The following CDK6 variants were observed in gnomAD, a reference collection of about 807,000 sequenced individuals.
CDK6 encodes cyclin dependent kinase 6, also known as cyclin-dependent kinase 6.
In CDK6, 6 loss-of-function variants were observed where a neutral mutation model predicts 37.1. The observed-to-expected ratio is 0.16, with a 90% CI of 0.09 to 0.32. The LOEUF is 0.32. CDK6 is among the 10% of genes least tolerant of loss of function. The probability of loss-of-function intolerance (pLI) is 1.00; values close to 1 mark genes in which losing one functional copy is unlikely to be tolerated. For synonymous variants in CDK6, 160 were observed against 161.3 expected (o/e 0.99, Z 0.06); for missense variants, 224 against 418.9 (o/e 0.53, Z 4.06).
intron 5 of CDK6, among the ~76,000 whole-genome samples, chr7:92,639,990 C>T (rs1202279969): frequency 6.6e-6 from 1 of 152,124 alleles, no homozygotes; most frequent in Non-Finnish European, 1.5e-5. Flanking sequence ...GGGTATCTAT[C>T]TCTCTAAATA....
intron 2 of CDK6, among the ~76,000 whole-genome samples, chr7:92,794,180 G>A (rs1943975965): frequency 6.6e-6 from 1 of 152,112 alleles, no homozygotes; most frequent in Non-Finnish European, 1.5e-5. Context: ...AGAAGAAATA[G>A]CTAACACTTA....
rs2116035656 is a variant in CDK6, at chr7:92,833,377, C to A, written c.-54G>T. ...CGCTGGGGCGGGCGGGGGGTGCGCT[C>A]AACTAGCTGGCGGCCGCCGCTCGCC... On this transcript the variant is annotated 5_prime_UTR_variant, in exon 2 of 8. Coordinates refer to ENST00000424848, the MANE Select transcript of CDK6 (RefSeq NM_001145306.2). This position sits in a 1 kb window ranked among gnomAD's most constrained non-coding sequence, Gnocchi z 6.1. The A allele has an allele frequency of 7.6e-7, 1 of 1,318,310 alleles. No homozygotes were observed. The highest frequency in any genetic ancestry group is 1.0e-6 in the Non-Finnish European group (1 of 973,074). 81.7% of individuals were successfully genotyped at this position (1,318,310 alleles called of 1,614,324 possible).
chr7:92,709,645 A>G (rs1327263199), intron 4 of CDK6, among the ~76,000 whole-genome samples: 2 of 152,226 alleles, frequency 1.3e-5, no homozygotes, highest in African/African-American at 4.8e-5. Context: ...CAAACATACT[A>G]TTTATGTAAT....
chr7:92,793,136 G>A (rs1457300311), intron 2 of CDK6, among the ~76,000 whole-genome samples: 1 of 152,028 alleles, frequency 6.6e-6, no homozygotes, highest in African/African-American at 2.4e-5. Context: ...CCGTATTCAT[G>A]GATCAGGAAG....
At chr7:92,654,844 T>C (rs570485717) in intron 5 of CDK6, among the ~76,000 whole-genome samples, 203 of 152,116 alleles carry the variant, frequency 1.3e-3, no homozygotes, top group South Asian at 7.5e-3. Context: ...ACCAAATGGA[T>C]ATATATATGT....
intron 5 of CDK6, among the ~76,000 whole-genome samples, chr7:92,636,839 ATT>A (rs1796184167): frequency 6.6e-6 from 1 of 151,832 alleles, no homozygotes; most frequent in African/African-American, 2.4e-5. Context: ...TAATTTTTGT[ATT>A]TTTAGTGGAG....
chr7:92,821,085 G>A (rs970092575), intron 2 of CDK6, among the ~76,000 whole-genome samples: 1 of 151,986 alleles, frequency 6.6e-6, no homozygotes, highest in Non-Finnish European at 1.5e-5. Context: ...ACAAAACGTG[G>A]CATAATTAAC....
intron 4 of CDK6, among the ~76,000 whole-genome samples, 182 bp from the exon 5 acceptor site, chr7:92,671,717 T>A (rs868099339): frequency 3.9e-5 from 6 of 152,266 alleles, no homozygotes; most frequent in Middle Eastern, 3.4e-3. Context: ...GGAAATTACA[T>A]CATCCCCACA....
chr7:92,644,379 A>T (rs1796391740), intron 5 of CDK6, among the ~76,000 whole-genome samples: 1 of 152,168 alleles, frequency 6.6e-6, no homozygotes, highest in Admixed American at 6.5e-5. Flanking sequence ...AGAGAATTCA[A>T]ATCACGATTA....
intron 2 of CDK6, among the ~76,000 whole-genome samples, chr7:92,830,533 G>C (rs1305699169): frequency 2.6e-5 from 4 of 152,094 alleles, no homozygotes; most frequent in Admixed American, 2.6e-4. Flanking sequence ...TCACAGGTTT[G>C]GGGACCCAAC....
chr7:92,745,419 C>A (rs1300777575), intron 3 of CDK6, among the ~76,000 whole-genome samples: 1 of 152,142 alleles, frequency 6.6e-6, no homozygotes, highest in Non-Finnish European at 1.5e-5. Context: ...TCTACTATGA[C>A]CTCGAGGATT....
At chr7:92,678,253 A>G (rs1722814519) in intron 4 of CDK6, among the ~76,000 whole-genome samples, 1 of 152,272 alleles carries the variant, frequency 6.6e-6, no homozygotes. Context: ...AATCCGTAAC[A>G]AAAGTCGCTA....
In CDK6 at chr7:92,645,103, T is replaced by G. The variant is rs188277243; in HGVS notation, c.648-22017A>C. ...CAGAAGGAAAAGTACACACCCCAGG[T>G]GCGAATATAAAAGCGGGTCTCTTTG... On this transcript the variant is annotated intron_variant, in intron 5 of 7. Transcript: ENST00000424848. 5.7e-4 allele frequency among the ~76,000 whole-genome samples: 87 copies of G among 152,300 alleles called. 1 individual carries two copies. Among genetic ancestry groups the G allele is most frequent in the Non-Finnish European group, 4.6e-4 (31 of 68,016 alleles).
chr7:92,813,335 T>A (rs576466576), intron 2 of CDK6, among the ~76,000 whole-genome samples: 16 of 150,024 alleles, frequency 1.1e-4, no homozygotes, highest in African/African-American at 1.7e-4. Flanking sequence ...TGCTTGCTTT[T>A]AAAAAAAAAA....
chr7:92,821,416 A>T (rs1365367830), intron 2 of CDK6, among the ~76,000 whole-genome samples: 1 of 152,146 alleles, frequency 6.6e-6, no homozygotes, highest in Non-Finnish European at 1.5e-5. Context: ...AAATTCATGA[A>T]TATAAGATAA....
chr7:92,784,706 T>C (rs1054292495), intron 2 of CDK6, among the ~76,000 whole-genome samples: 4 of 152,216 alleles, frequency 2.6e-5, no homozygotes, highest in African/African-American at 7.2e-5. Context: ...AAACTAAAGA[T>C]AGCCTTAAAC....
At chr7:92,631,464 C>T (rs1796050976) in intron 5 of CDK6, among the ~76,000 whole-genome samples, 1 of 152,168 alleles carries the variant, frequency 6.6e-6, no homozygotes, top group Admixed American at 6.5e-5. Flanking sequence ...GTTTTATTCT[C>T]TTTTTTCCTA....
chr7:92,634,830 T>C (rs947745430), intron 5 of CDK6, among the ~76,000 whole-genome samples: 4 of 152,210 alleles, frequency 2.6e-5, no homozygotes, highest in African/African-American at 9.6e-5. Context: ...AGAAACTTAC[T>C]GCTGATCTTT....
In CDK6 at chr7:92,609,645, T is replaced by C. The variant is rs970483858; in HGVS notation, c.*5495A>G. On this transcript the variant is annotated 3_prime_UTR_variant, in exon 8 of 8. Transcript: ENST00000424848. ...TTTAATCAATGTTGAAAGGCCACCATGCTAGGGAATTTGAAAGCAGCAGAG... is the reference window on the plus strand; with the variant it reads ...TTTAATCAATGTTGAAAGGCCACCACGCTAGGGAATTTGAAAGCAGCAGAG... 1 of 231,356 alleles carries C rather than the reference T, an allele frequency of 4.3e-6. No homozygotes were observed. The highest frequency in any genetic ancestry group is 2.2e-5 in the African/African-American group (1 of 45,280). 14.3% of individuals were successfully genotyped at this position (231,356 alleles called of 1,614,324 possible).
Sources: gnomAD v4.1 joint callset for allele counts (sites outside exome capture counted in the v4.1 genomes callset) on GRCh38, gnomAD v4.1.1 for gene constraint, Gnocchi (gnomAD v3.1) non-coding constraint, MANE v1.5 for transcripts, NCBI Gene and HGNC (gene_info 2026-07-23, HGNC 2026-07-21) for gene names.